Variants in HTR4 observed in about 807,000 individuals in gnomAD.
The protein encoded by HTR4 is 5-hydroxytryptamine receptor 4.
Under a neutral mutation model 36.8 loss-of-function variants are expected in HTR4, and 16 were observed. That is an observed-to-expected ratio of 0.43 (90% CI 0.29 to 0.66). The LOEUF (loss-of-function observed/expected upper bound fraction) is 0.66. HTR4 is among the 30% of genes least tolerant of loss of function. The pLI is 0.13. For missense variants in HTR4, 438 were observed against 490.9 expected (o/e 0.89, Z 1.02); for synonymous variants, 189 against 185.1 (o/e 1.02, Z -0.17).
chr5:148,508,668 A>G (rs552524176), intron 6 of HTR4, among the ~76,000 whole-genome samples: 1 of 152,178 alleles, frequency 6.6e-6, no homozygotes, highest in East Asian at 1.9e-4. Flanking sequence ...TTCTACCCCA[A>G]TTCTAGATTG....
At chr5:148,473,764 C>G (rs1038202699), downstream of HTR4, among the ~76,000 whole-genome samples, 1 of 152,066 alleles carries the variant, frequency 6.6e-6, no homozygotes, top group Admixed American at 6.5e-5. Flanking sequence ...AGCTGAGACC[C>G]AGAAGGTAAG....
chr5:148,535,259 G>T (rs111771666), intron 4 of HTR4, among the ~76,000 whole-genome samples: 14 of 152,282 alleles, frequency 9.2e-5, no homozygotes, highest in African/African-American at 3.4e-4. Context: ...TGCAGTTAAA[G>T]GAATACCCAC....
At chr5:148,616,477 G>C (rs1752694007) in intron 2 of HTR4, among the ~76,000 whole-genome samples, 1 of 152,054 alleles carries the variant, frequency 6.6e-6, no homozygotes, top group Non-Finnish European at 1.5e-5. Flanking sequence ...TAAATTACAA[G>C]GGCATGTTCT....
At chr5:148,504,936 T>A (rs890036268) in intron 6 of HTR4, among the ~76,000 whole-genome samples, 6 of 152,144 alleles carry the variant, frequency 3.9e-5, no homozygotes, top group Non-Finnish European at 8.8e-5. Context: ...CTCCCAAGAC[T>A]AAACCAGGAA....
intron 2 of HTR4, among the ~76,000 whole-genome samples, chr5:148,592,157 T>A (rs1761598039): frequency 6.6e-6 from 1 of 152,170 alleles, no homozygotes; most frequent in Non-Finnish European, 1.5e-5. Context: ...TAACATGTTC[T>A]CACTGACAAG....
chr5:148,619,978 T>C (rs1752853701), intron 2 of HTR4, among the ~76,000 whole-genome samples: 1 of 152,132 alleles, frequency 6.6e-6, no homozygotes, highest in Admixed American at 6.5e-5. Flanking sequence ...TCATTATAAA[T>C]AGCCAGGGTA....
chr5:148,453,602 C>G (rs1277228747), intron 5 of HTR4, among the ~76,000 whole-genome samples: 4 of 152,076 alleles, frequency 2.6e-5, no homozygotes, highest in African/African-American at 9.7e-5. Flanking sequence ...ATCTGAAGAA[C>G]CTCAAGGATG....
chr5:148,482,944 G>T lies in HTR4; in HGVS notation c.*259C>A. The T allele has an allele frequency of 7.4e-7, 1 of 1,356,558 alleles. No individual in the cohort carries two copies. Among genetic ancestry groups the T allele is most frequent in the Non-Finnish European group, 9.5e-7 (1 of 1,049,624 alleles). 84.0% of individuals were successfully genotyped at this position (1,356,558 alleles called of 1,614,324 possible). On this transcript the variant is annotated 3_prime_UTR_variant, in exon 7 of 7. Transcript: ENST00000377888. ...ACATGTCAGAGACACCAGAGACCAC[G>T]CGGCAAAAGCAGAGAATCTGGGAAG...
At chr5:148,613,555 C>T (rs1408409949) in intron 2 of HTR4, among the ~76,000 whole-genome samples, 1 of 150,068 alleles carries the variant, frequency 6.7e-6, no homozygotes, top group Admixed American at 6.7e-5. Context: ...CTATCTATGA[C>T]AAACCCACAG....
At chr5:148,653,496 G>A (rs144578317) in intron 1 of HTR4, among the ~76,000 whole-genome samples, 1 of 152,226 alleles carries the variant, frequency 6.6e-6, no homozygotes, top group East Asian at 1.9e-4. Context: ...TGCGAGTACC[G>A]GCAGTGACCG....
intron 4 of HTR4, among the ~76,000 whole-genome samples, chr5:148,538,796 T>A (rs1758958846): frequency 6.6e-6 from 1 of 152,218 alleles, no homozygotes; most frequent in South Asian, 2.1e-4. Flanking sequence ...ATGGATGTAC[T>A]GTCCAAAGTA....
chr5:148,473,220 C>G (rs531717394), downstream of HTR4, among the ~76,000 whole-genome samples: 1 of 149,812 alleles, frequency 6.7e-6, no homozygotes, highest in Non-Finnish European at 1.5e-5. Flanking sequence ...ATGGCGTGAA[C>G]GCAGAAGGCA....
At chr5:148,633,138 T>C (rs1394954452) in intron 2 of HTR4, among the ~76,000 whole-genome samples, 1 of 152,094 alleles carries the variant, frequency 6.6e-6, no homozygotes, top group Non-Finnish European at 1.5e-5. Flanking sequence ...CTGACACTAT[T>C]TACCAAGGGA....
chr5:148,617,416 C>G (rs566382884), intron 2 of HTR4, among the ~76,000 whole-genome samples: 1 of 152,132 alleles, frequency 6.6e-6, no homozygotes, highest in Non-Finnish European at 1.5e-5. Flanking sequence ...AATGCAAGCA[C>G]AGCCTAACAC....
At chr5:148,564,206 T>C (rs17720691) in intron 2 of HTR4, among the ~76,000 whole-genome samples, 81,544 of 151,942 alleles carry the variant, frequency 0.54, 22,951 homozygotes, top group African/African-American at 0.72. Flanking sequence ...GCCCAAATTC[T>C]CACTCAGTGA....
chr5:148,574,631 C>A (rs1760815621), intron 2 of HTR4, among the ~76,000 whole-genome samples: 2 of 151,966 alleles, frequency 1.3e-5, no homozygotes, highest in Non-Finnish European at 2.9e-5. Context: ...AGGAAAGCAC[C>A]TTGAATGGAT....
intron 2 of HTR4, among the ~76,000 whole-genome samples, chr5:148,582,784 T>C (rs920294598): frequency 4.6e-5 from 7 of 152,212 alleles, no homozygotes; most frequent in African/African-American, 1.7e-4. Context: ...ACGTTGATTT[T>C]GTATCCTGAG....
intron 4 of HTR4, among the ~76,000 whole-genome samples, chr5:148,535,839 C>T (rs1288786321): frequency 6.6e-6 from 1 of 152,080 alleles, no homozygotes; most frequent in Non-Finnish European, 1.5e-5. Context: ...TGGAAACTCC[C>T]CCAACCTTGC....
At chr5:148,473,255 T>C (rs920939699), downstream of HTR4, among the ~76,000 whole-genome samples, 3 of 145,042 alleles carry the variant, frequency 2.1e-5, no homozygotes, top group African/African-American at 7.9e-5. Context: ...TGAGCCGAGA[T>C]CGCGCCACTG....
Sources: allele counts gnomAD v4.1 joint callset (sites outside exome capture counted in the v4.1 genomes callset), GRCh38; gene constraint gnomAD v4.1.1; transcripts MANE v1.5; gene names NCBI Gene and HGNC (gene_info 2026-07-23, HGNC 2026-07-21).